Variants in DRC2 observed in about 807,000 individuals in gnomAD.
The protein encoded by DRC2 is coiled-coil domain containing 65.
chr12:48,921,295 T>C, the DRC2 span: 2 of 1,614,218 alleles, frequency 1.2e-6, no homozygotes, highest in Non-Finnish European at 1.7e-6. Flanking sequence ...CGGGAGATGC[T>C]GAAGCAGTAC....
chr12:48,921,142 C>T, the DRC2 span: 2 of 1,612,256 alleles, frequency 1.2e-6, no homozygotes, highest in Non-Finnish European at 1.7e-6. Flanking sequence ...TCGCTGCACA[C>T]CTTCTCCCTG....
the DRC2 span, among the ~76,000 whole-genome samples, chr12:48,915,912 C>T: frequency 8.1e-5 from 12 of 148,104 alleles, no homozygotes; most frequent in South Asian, 4.4e-4. Flanking sequence ...CGCTCCTCAC[C>T]TCCCAGACGG....
the DRC2 span, among the ~76,000 whole-genome samples, chr12:48,913,150 A>G: frequency 1.3e-5 from 2 of 150,470 alleles, no homozygotes; most frequent in East Asian, 2.0e-4. Flanking sequence ...AAAAAAAAAA[A>G]AAAAGATACC....
At chr12:48,919,581 G>T in the DRC2 span, among the ~76,000 whole-genome samples, 2 of 151,558 alleles carry the variant, frequency 1.3e-5, no homozygotes, top group African/African-American at 4.9e-5. Flanking sequence ...GCAGTGGCAT[G>T]ATCTTGGCTC....
At chr12:48,920,104 C>A in the DRC2 span, among the ~76,000 whole-genome samples, 2 of 120,656 alleles carry the variant, frequency 1.7e-5, no homozygotes, top group African/African-American at 3.2e-5. Flanking sequence ...CAGAGTAAGA[C>A]CCTGTCTAAA....
At chr12:48,904,318 G>T in the DRC2 span, 1 of 1,606,412 alleles carries the variant, frequency 6.2e-7, no homozygotes, top group Non-Finnish European at 8.5e-7. Context: ...TTCTTTCCCG[G>T]ATCCAATCCC....
At chr12:48,916,662 A>T in the DRC2 span, among the ~76,000 whole-genome samples, 1 of 89,164 alleles carries the variant, frequency 1.1e-5, no homozygotes, top group Non-Finnish European at 2.5e-5. Flanking sequence ...GAGAGGGACC[A>T]ACTACCCACT....
the DRC2 span, chr12:48,904,887 CTTG>C: frequency 7.1e-7 from 1 of 1,399,600 alleles, no homozygotes; most frequent in Middle Eastern, 1.9e-4. Context: ...TAAGAGTGAT[CTTG>C]TTTGTTGTAC....
chr12:48,918,791 G>A, the DRC2 span: 2 of 1,614,120 alleles, frequency 1.2e-6, no homozygotes, highest in East Asian at 2.2e-5. Context: ...GTACAACTGC[G>A]AAAACTTAAG....
At chr12:48,914,692 G>T in the DRC2 span, 1 of 871,000 alleles carries the variant, frequency 1.1e-6, no homozygotes, top group South Asian at 1.9e-5. Flanking sequence ...TGATTATCAC[G>T]GGACCCCCAG....
At chr12:48,920,441 T>TTAAAAAAAAAAA in the DRC2 span, among the ~76,000 whole-genome samples, 41 of 67,806 alleles carry the variant, frequency 6.0e-4, no homozygotes, top group Non-Finnish European at 8.0e-4. Flanking sequence ...AACTCCATCT[T>TTAAAAAAAAAAA]AAAAAAAAAA....
At chr12:48,907,642 A>G in the DRC2 span, among the ~76,000 whole-genome samples, 1 of 152,196 alleles carries the variant, frequency 6.6e-6, no homozygotes, top group Non-Finnish European at 1.5e-5. Context: ...CTTCTCTAGG[A>G]AACTGCTCAG....
At chr12:48,909,588 C>T in the DRC2 span, among the ~76,000 whole-genome samples, 1 of 152,160 alleles carries the variant, frequency 6.6e-6, no homozygotes, top group Non-Finnish European at 1.5e-5. Context: ...AGTGATTCTG[C>T]TGCCTCAGCC....
chr12:48,906,854 C>T, the DRC2 span, among the ~76,000 whole-genome samples: 2 of 151,854 alleles, frequency 1.3e-5, no homozygotes, highest in African/African-American at 4.8e-5. Context: ...ACGTTAGCCA[C>T]CGCGCCCAGC....
the DRC2 span, among the ~76,000 whole-genome samples, chr12:48,904,649 G>C: frequency 6.6e-6 from 1 of 152,188 alleles, no homozygotes; most frequent in Non-Finnish European, 1.5e-5. Context: ...AAGCACGGAG[G>C]GGGTGCGTGG....
chr12:48,913,524 G>A, the DRC2 span, among the ~76,000 whole-genome samples: 3 of 151,814 alleles, frequency 2.0e-5, no homozygotes, highest in Non-Finnish European at 4.4e-5. Flanking sequence ...ACCGAGTCTC[G>A]CACTGTCACC....
At chr12:48,909,814 T>C in the DRC2 span, among the ~76,000 whole-genome samples, 2 of 144,916 alleles carry the variant, frequency 1.4e-5, no homozygotes, top group Admixed American at 7.2e-5. Context: ...GGAGTCTCAC[T>C]CTGTTGCCCA....
At chr12:48,909,178 G>A in the DRC2 span, among the ~76,000 whole-genome samples, 1 of 151,902 alleles carries the variant, frequency 6.6e-6, no homozygotes, top group South Asian at 2.1e-4. Flanking sequence ...CAAGTAGCTG[G>A]GATTACAGGC....
chr12:48,915,858 G>T, the DRC2 span, among the ~76,000 whole-genome samples: 7 of 151,262 alleles, frequency 4.6e-5, no homozygotes, highest in Non-Finnish European at 8.8e-5. Flanking sequence ...CAGCTGCCGG[G>T]CGGAGGGTCT....
Sources: gnomAD v4.1 joint callset for allele counts (sites outside exome capture counted in the v4.1 genomes callset) on GRCh38, gnomAD v4.1.1 for gene constraint, MANE v1.5 for transcripts, NCBI Gene and HGNC (gene_info 2026-07-23, HGNC 2026-07-21) for gene names.